The following SLC37A2 variants were observed in gnomAD, a reference collection of about 807,000 sequenced individuals.
The protein encoded by SLC37A2 is glucose-6-phosphate exchanger SLC37A2.
SLC37A2 carries 59 observed loss-of-function variants against 70.7 expected under a neutral mutation model. That is an observed-to-expected ratio of 0.83 (90% CI 0.68 to 1.04). The LOEUF (loss-of-function observed/expected upper bound fraction) is 1.04, where lower values mean the gene tolerates loss of function less well. Ranked by LOEUF, SLC37A2 falls within the 50% of genes least tolerant of loss-of-function variation. The probability of loss-of-function intolerance (pLI) is 0.00; values close to 1 mark genes in which losing one functional copy is unlikely to be tolerated. For missense variants in SLC37A2, 580 were observed against 658.1 expected (o/e 0.88, Z 1.30); for synonymous variants, 257 against 262.1 (o/e 0.98, Z 0.19).
At chr11:125,082,177 C>G in intron 9 of SLC37A2, 67 bp from the exon 10 acceptor site, 1 of 1,507,702 alleles carries the variant, frequency 6.6e-7, no homozygotes, top group South Asian at 1.1e-5. Context: ...CTGAGCACCC[C>G]TTGGGGCCAC....
At chr11:125,072,752 G>A (rs1359963063) in intron 1 of SLC37A2, among the ~76,000 whole-genome samples, 1 of 152,194 alleles carries the variant, frequency 6.6e-6, no homozygotes, top group Non-Finnish European at 1.5e-5. Context: ...TAACCTGACC[G>A]AAGTTCCCAG....
intron 1 of SLC37A2, among the ~76,000 whole-genome samples, chr11:125,069,525 A>G (rs1949009381): frequency 6.6e-6 from 1 of 152,232 alleles, no homozygotes; most frequent in African/African-American, 2.4e-5. Context: ...CGTAGTTGGT[A>G]TTGGCTAGGT....
Position 125,079,228 on chromosome 11 carries a change from G to C in SLC37A2, c.431G>C (p.Trp144Ser), listed in dbSNP as rs941295838. 1 of 1,613,996 alleles carries C rather than the reference G, an allele frequency of 6.2e-7. No homozygotes were observed. The highest frequency in any genetic ancestry group is 1.3e-5 in the African/African-American group (1 of 74,918). Reference protein sequence around the residue: ...LGYFWNIHELWYFVVIQVCNG... With the variant: ...LGYFWNIHELSYFVVIQVCNG... ...TATTTCTGGAACATCCACGAGCTCT[G>C]GTACTTTGTGGTCATCCAGGTATGA... The change falls in exon 5 of 18, where the codon TGG becomes TCG. Residue 144 changes from tryptophan to serine, a missense_variant. By Grantham distance (177) the Trp-to-Ser change is radical. Transcript: ENST00000403796.
intron 1 of SLC37A2, among the ~76,000 whole-genome samples, chr11:125,074,696 A>G (rs1474572063): frequency 1.3e-5 from 2 of 152,080 alleles, no homozygotes; most frequent in African/African-American, 2.4e-5. Context: ...CAGCCCTGGG[A>G]GGGCTCAGCA....
At chr11:125,067,352 C>T (rs181651349) in intron 1 of SLC37A2, among the ~76,000 whole-genome samples, 14 of 152,168 alleles carry the variant, frequency 9.2e-5, no homozygotes, top group Admixed American at 3.3e-4. Flanking sequence ...CTGTTGTTAT[C>T]GGGGAAGGCA....
rs757343483 is a variant in SLC37A2, at chr11:125,081,870, T to C, written c.849T>C (p.Pro283=). 1.2e-6 allele frequency: 2 copies of C among 1,613,526 alleles called. No individual in the cohort carries two copies. Among genetic ancestry groups the C allele is most frequent in the South Asian group, 2.2e-5 (2 of 91,032 alleles). The change falls in exon 9 of 18, where the codon CCT becomes CCC. Residue 283 remains proline (P), a synonymous_variant. Coordinates refer to ENST00000403796, the MANE Select transcript of SLC37A2 (RefSeq NM_001145290.2). ...GCTCCAAGGGGCCATGCGAAGAGCC[T>C]GCTGCCATCAGCTTCTTTGGGGCGC... ...AKCSKGPCEE[P]AAISFFGALR...
intron 4 of SLC37A2, 64 bp downstream of exon 4, chr11:125,077,592 A>G: frequency 7.5e-7 from 1 of 1,327,118 alleles, no homozygotes; most frequent in South Asian, 1.3e-5. Flanking sequence ...CCTCCCCTTA[A>G]GGAACCTGGG....
intron 1 of SLC37A2, among the ~76,000 whole-genome samples, chr11:125,075,622 G>C (rs561023351): frequency 6.6e-6 from 1 of 152,250 alleles, no homozygotes; most frequent in Non-Finnish European, 1.5e-5. Context: ...CAGGAAGCTC[G>C]ATCCAGGGGC....
intron 1 of SLC37A2, among the ~76,000 whole-genome samples, chr11:125,068,749 T>C (rs573174492): frequency 1.3e-5 from 2 of 152,380 alleles, no homozygotes; most frequent in South Asian, 2.1e-4. Flanking sequence ...TTATTAATGA[T>C]GGTGATGTTA....
In SLC37A2 at chr11:125,079,565, G is replaced by A. The variant is rs139282662; in HGVS notation, c.451-119G>A. 1.6e-4 allele frequency: 119 copies of A among 739,840 alleles called. No homozygotes were observed. In the East Asian group the frequency reaches 2.3e-3, roughly 14 times the overall value. 45.8% of individuals were successfully genotyped at this position (739,840 alleles called of 1,614,324 possible). On this transcript the variant is annotated intron_variant, in intron 5 of 17. Transcript: ENST00000403796. ...GTAAGGGAAGGGTAAGGTTTGTAGT[G>A]TGGGGTATGGAGGGCCCCTTGGCCA...
intron 11 of SLC37A2, 50 bp from the exon 12 acceptor site, chr11:125,084,184 A>G (rs756335995): frequency 5.6e-6 from 9 of 1,597,566 alleles, no homozygotes; most frequent in Middle Eastern, 3.3e-4. Context: ...AGGCGAGGGG[A>G]TGGCAGGGTC....
chr11:125,088,235 CCT>C lies in SLC37A2; in HGVS notation c.*104_*105del. 1 of 1,378,326 alleles carries C rather than the reference CCT, an allele frequency of 7.3e-7. No homozygotes were observed. Among genetic ancestry groups the C allele is most frequent in the Non-Finnish European group, 1.0e-6 (1 of 991,540 alleles). The allele number at this position is 1,378,326 out of a possible 1,614,324, so 85.4% of individuals were successfully genotyped here. ...ACTTCCACAAGCAGGGAAGGCAAAC[CCT>C]CTTTATTGAACATTAGCCAGCCCAG... is the stretch of plus-strand genomic sequence containing the variant. On this transcript the variant is annotated 3_prime_UTR_variant, in exon 18 of 18. Coordinates refer to ENST00000403796, the MANE Select transcript of SLC37A2 (RefSeq NM_001145290.2).
chr11:125,088,334 G>C lies in SLC37A2; in HGVS notation c.*200G>C, dbSNP rs1949245967. On this transcript the variant is annotated 3_prime_UTR_variant, in exon 18 of 18. Transcript: ENST00000403796. ...GGGGACTGCCAAGCATGAGGAAATA[G>C]AAGATTCAGGGGCCTGAGCTCTGGA... is the stretch of plus-strand genomic sequence containing the variant. 1.6e-6 allele frequency: 1 copy of C among 618,650 alleles called. No individual in the cohort carries two copies. The highest frequency in any genetic ancestry group is 1.8e-5 in the African/African-American group (1 of 54,170). 38.3% of individuals were successfully genotyped at this position (618,650 alleles called of 1,614,324 possible).
At position 125,077,277 on chromosome 11, in the gene SLC37A2, TACTC is replaced by T. The variant is rs768211448; in HGVS notation, c.192_195del (p.His65ValfsTer22). 4 of 1,608,606 alleles carry T rather than the reference TACTC, an allele frequency of 2.5e-6. No homozygotes were observed. In the African/African-American group the frequency reaches 5.3e-5, roughly 22 times the overall value. On this transcript the variant is annotated frameshift_variant, in exon 3 of 18. Coordinates refer to ENST00000403796, the MANE Select transcript of SLC37A2 (RefSeq NM_001145290.2). LOFTEE classifies it high-confidence loss of function. ...CGGAGCAGATCAAACCCATCAATGA[TACTC>T]ACAGTCTCAATGACACCATGTGGTG...
At chr11:125,082,166 G>A in intron 9 of SLC37A2, 78 bp from the exon 10 acceptor site, 2 of 1,400,652 alleles carry the variant, frequency 1.4e-6, no homozygotes, top group Non-Finnish European at 2.0e-6. Context: ...CTGGGGTGGT[G>A]CTGAGCACCC....
Position 125,080,895 on chromosome 11 carries a change from G to A in SLC37A2, c.694+115G>A, listed in dbSNP as rs1949139768. ...CACAGAGTGGGAGGACCAGCCGTGT[G>A]ACTTTGGACAATCTTTCAGAGCCTT... On this transcript the variant is annotated intron_variant, in intron 7 of 17. Transcript: ENST00000403796. This position sits in a 1 kb window ranked among gnomAD's most constrained non-coding sequence, Gnocchi z 4.3. The A allele has an allele frequency of 3.6e-6, 3 of 843,882 alleles. No individual in the cohort carries two copies. The highest frequency in any genetic ancestry group is 4.9e-6 in the Non-Finnish European group (3 of 610,224). The allele number at this position is 843,882 out of a possible 1,614,324, so 52.3% of individuals were successfully genotyped here.
chr11:125,064,046 G>A (rs1044422376), intron 1 of SLC37A2, among the ~76,000 whole-genome samples: 4 of 152,210 alleles, frequency 2.6e-5, no homozygotes, highest in Admixed American at 2.6e-4. Flanking sequence ...GCTGCAAGGT[G>A]GGGTGGAGGG....
chr11:125,075,021 C>T (rs909696181), intron 1 of SLC37A2, among the ~76,000 whole-genome samples: 1 of 152,130 alleles, frequency 6.6e-6, no homozygotes, highest in Non-Finnish European at 1.5e-5. Flanking sequence ...TCTTGTGGGA[C>T]AGCTGGGACT....
At chr11:125,067,245 T>A (rs1948990687) in intron 1 of SLC37A2, among the ~76,000 whole-genome samples, 1 of 151,916 alleles carries the variant, frequency 6.6e-6, no homozygotes, top group African/African-American at 2.4e-5. Context: ...TCCCACCTCA[T>A]CCTCCCAAAG....
Sources: gnomAD v4.1 joint callset for allele counts (sites outside exome capture counted in the v4.1 genomes callset) on GRCh38, gnomAD v4.1.1 for gene constraint, Gnocchi (gnomAD v3.1) non-coding constraint, MANE v1.5 for transcripts, NCBI Gene and HGNC (gene_info 2026-07-23, HGNC 2026-07-21) for gene names.